The following COG5 variants were observed in gnomAD, a reference collection of about 807,000 sequenced individuals.
COG5 encodes conserved oligomeric Golgi complex subunit 5.
In COG5, 86 loss-of-function variants were observed where a neutral mutation model predicts 110.4. The observed-to-expected ratio is 0.78, with a 90% CI of 0.65 to 0.93. COG5 has a LOEUF of 0.93. COG5 is among the 40% of genes least tolerant of loss of function. The pLI is 0.00. For synonymous variants in COG5, 360 were observed against 334.6 expected (o/e 1.08, Z -0.83); for missense variants, 1,077 against 987.0 (o/e 1.09, Z -1.22).
At chr7:107,245,776 T>C (rs1802008438) in intron 17 of COG5, among the ~76,000 whole-genome samples, 1 of 152,168 alleles carries the variant, frequency 6.6e-6, no homozygotes, top group African/African-American at 2.4e-5. Context: ...ATGATTACAA[T>C]GGCTATACTG....
chr7:107,340,983 C>T (rs568078553), intron 10 of COG5, among the ~76,000 whole-genome samples: 1 of 152,186 alleles, frequency 6.6e-6, no homozygotes, highest in South Asian at 2.1e-4. Flanking sequence ...CAAGGATGCC[C>T]ACTCTCACAA....
chr7:107,483,194 C>A (rs1281661302), intron 6 of COG5, among the ~76,000 whole-genome samples: 1 of 152,140 alleles, frequency 6.6e-6, no homozygotes, highest in Non-Finnish European at 1.5e-5. Context: ...AACACTGATA[C>A]TTGATAAATG....
At chr7:107,380,722 C>G (rs377422085) in intron 7 of COG5, among the ~76,000 whole-genome samples, 1 of 152,138 alleles carries the variant, frequency 6.6e-6, no homozygotes, top group East Asian at 1.9e-4. Flanking sequence ...CCGAATTCTA[C>G]GAGAGGTTCA....
chr7:107,387,757 G>A (rs1790316256), intron 7 of COG5, among the ~76,000 whole-genome samples: 2 of 152,200 alleles, frequency 1.3e-5, no homozygotes, highest in Admixed American at 1.3e-4. Context: ...CACTCAGAGA[G>A]CTGAGATCGG....
At chr7:107,332,846 A>G (rs1483407260) in intron 10 of COG5, among the ~76,000 whole-genome samples, 1 of 152,206 alleles carries the variant, frequency 6.6e-6, no homozygotes, top group Non-Finnish European at 1.5e-5. Context: ...AACACTGAAA[A>G]GAAGGAAGGA....
chr7:107,317,321 C>T lies in COG5; in HGVS notation c.1108+7119G>A, dbSNP rs960648537. On this transcript the variant is annotated intron_variant, in intron 11 of 21. Coordinates refer to ENST00000297135, the MANE Select transcript of COG5 (RefSeq NM_006348.5). ...AACTAGAGTTCACAAAATAGAATAC[C>T]GGAGAGAACAGAGGCGCATAGACAG... Among the ~76,000 whole-genome samples, 9 of 152,014 alleles carry T rather than the reference C, an allele frequency of 5.9e-5. No individual in the cohort carries two copies. The South Asian group carries it at 1.3e-3, about 21-fold the overall frequency.
chr7:107,210,663 C>G, intron 20 of COG5, 58 bp from the exon 21 acceptor site: 1 of 1,529,324 alleles, frequency 6.5e-7, no homozygotes, highest in Non-Finnish European at 8.9e-7. Flanking sequence ...TAAATGGCAG[C>G]AAGTGCTGGT....
chr7:107,407,974 T>C (rs1263353914), intron 7 of COG5, among the ~76,000 whole-genome samples: 1 of 152,174 alleles, frequency 6.6e-6, no homozygotes, highest in Admixed American at 6.5e-5. Flanking sequence ...TGACTAGATA[T>C]GCCTTATATT....
intron 5 of COG5, among the ~76,000 whole-genome samples, chr7:107,537,446 AG>A (rs1801666319): frequency 6.6e-6 from 1 of 152,134 alleles, no homozygotes; most frequent in Admixed American, 6.6e-5. Flanking sequence ...GCAGGGACAA[AG>A]ATGAAGCTGG....
chr7:107,412,352 C>T (rs1228913156), intron 7 of COG5, 150 bp downstream of exon 7: 4 of 660,404 alleles, frequency 6.1e-6, no homozygotes, highest in Non-Finnish European at 1.0e-5. Flanking sequence ...TTTCCCTTAA[C>T]GATGACCCAT....
chr7:107,365,568 C>T (rs1584733954), intron 8 of COG5, among the ~76,000 whole-genome samples: 2 of 124,868 alleles, frequency 1.6e-5, no homozygotes, highest in East Asian at 4.5e-4. Context: ...TTAGGACAGG[C>T]CAGGGAATGT....
chr7:107,231,396 A>G (rs1244185239), intron 18 of COG5, among the ~76,000 whole-genome samples: 1 of 152,204 alleles, frequency 6.6e-6, no homozygotes. Context: ...AGAATTTAGC[A>G]AATCTTGGTT....
At chr7:107,545,864 A>C (rs888305624) in intron 5 of COG5, among the ~76,000 whole-genome samples, 13 of 152,088 alleles carry the variant, frequency 8.5e-5, no homozygotes, top group Non-Finnish European at 1.9e-4. Flanking sequence ...ACTACACTCT[A>C]AAACAAATAA....
intron 10 of COG5, among the ~76,000 whole-genome samples, chr7:107,342,505 C>T (rs1399814960): frequency 2.0e-5 from 3 of 151,972 alleles, no homozygotes; most frequent in Admixed American, 6.6e-5. Flanking sequence ...TGGTGAAACC[C>T]TGTCTCTACT....
intron 6 of COG5, among the ~76,000 whole-genome samples, chr7:107,455,640 A>G (rs1187181973): frequency 2.6e-5 from 4 of 152,226 alleles, no homozygotes; most frequent in East Asian, 1.9e-4. Context: ...GGTATATGTA[A>G]TAACACCTGT....
Position 107,203,449 on chromosome 7 carries a change from G to T in COG5, c.*67C>A. The T allele has an allele frequency of 1.0e-6, 1 of 985,770 alleles. No individual in the cohort carries two copies. Among genetic ancestry groups the T allele is most frequent in the Non-Finnish European group, 1.6e-6 (1 of 607,134 alleles). 61.1% of individuals were successfully genotyped at this position (985,770 alleles called of 1,614,324 possible). ...TAGTAGATAGTAGCAGTCTTTTGGAGTATGTGTTTAACTGCCAACTATGAA... is the reference window on the plus strand; with the variant it reads ...TAGTAGATAGTAGCAGTCTTTTGGATTATGTGTTTAACTGCCAACTATGAA... On this transcript the variant is annotated 3_prime_UTR_variant, in exon 22 of 22. Transcript: ENST00000297135.
chr7:107,236,492 A>G lies in COG5; in HGVS notation c.2049T>C (p.Leu683=), dbSNP rs1193651097. ...CAAGTCGCATTTTCCCACCTTCACC[A>G]AGAGGTCTTATGAGACTGGCATGGC... The part of the protein sequence containing the change: ...FIRHASLIRP[L]GEGGKMRLAA... Residue 683 remains leucine (L), a synonymous_variant, in exon 18 of 22, where the codon CTT becomes CTC. Coordinates refer to ENST00000297135, the MANE Select transcript of COG5 (RefSeq NM_006348.5). 1 of 1,614,170 alleles carries G rather than the reference A, an allele frequency of 6.2e-7. No individual in the cohort carries two copies. Among genetic ancestry groups the G allele is most frequent in the East Asian group, 2.2e-5 (1 of 44,878 alleles).
At chr7:107,334,443 A>G (rs940590722) in intron 10 of COG5, among the ~76,000 whole-genome samples, 8 of 152,326 alleles carry the variant, frequency 5.3e-5, no homozygotes, top group African/African-American at 1.7e-4. Flanking sequence ...AAGGTTGAAA[A>G]AAATCAAACA....
intron 6 of COG5, among the ~76,000 whole-genome samples, chr7:107,491,106 C>A (rs1797949106): frequency 6.6e-6 from 1 of 152,074 alleles, no homozygotes; most frequent in Admixed American, 6.6e-5. Flanking sequence ...GGTAGAAAGT[C>A]TCTAAATCAA....
Sources: gnomAD v4.1 joint callset for allele counts (sites outside exome capture counted in the v4.1 genomes callset) on GRCh38, gnomAD v4.1.1 for gene constraint, MANE v1.5 for transcripts, NCBI Gene and HGNC (gene_info 2026-07-23, HGNC 2026-07-21) for gene names.